CRB1: variants seen among roughly 807,000 people sequenced by gnomAD.
CRB1 encodes the protein protein crumbs homolog 1.
A neutral mutation model predicts 120.0 loss-of-function variants in CRB1; 83 were observed. That is an observed-to-expected ratio of 0.69 (90% CI 0.58 to 0.83). The LOEUF is 0.83. Among genes scored for constraint, CRB1 ranks in the 40% least tolerant of loss-of-function variants. The pLI, the probability that CRB1 is intolerant of heterozygous loss-of-function variation, is 0.00. For synonymous variants in CRB1, 625 were observed against 612.5 expected, an observed-to-expected ratio of 1.02 and a Z score of -0.30; for missense variants, 1,699 against 1,687.6, an observed-to-expected ratio of 1.01 and a Z score of -0.12.
At chr1:197,473,223 C>T (rs2125565970) in intron 11 of CRB1, among the ~76,000 whole-genome samples, 1 of 152,326 alleles carries the variant, frequency 6.6e-6, no homozygotes, top group South Asian at 2.1e-4. Flanking sequence ...AAATCCCTTT[C>T]TGTCTGCTTA....
At chr1:197,448,811 CA>C (rs1308264723) in intron 11 of CRB1, among the ~76,000 whole-genome samples, 8 of 152,178 alleles carry the variant, frequency 5.3e-5, no homozygotes, top group Non-Finnish European at 8.8e-5. Context: ...TATGCATGTA[CA>C]CACAAAAACA....
At chr1:197,267,576 T>C (rs991976334), upstream of CRB1, among the ~76,000 whole-genome samples, 2 of 152,170 alleles carry the variant, frequency 1.3e-5, no homozygotes, top group Admixed American at 1.3e-4. Context: ...AATTAGAAAA[T>C]AAAGCATTCT....
intron 11 of CRB1, 136 bp from the exon 12 acceptor site, chr1:197,477,528 A>G (rs1453160943): frequency 1.3e-6 from 1 of 761,008 alleles, no homozygotes; most frequent in Non-Finnish European, 2.4e-6. Context: ...CTTTCTTTTA[A>G]TACCTTGGTC....
intron 11 of CRB1, among the ~76,000 whole-genome samples, chr1:197,460,401 C>A (rs1161220009): frequency 6.6e-6 from 1 of 151,986 alleles, no homozygotes; most frequent in Non-Finnish European, 1.5e-5. Context: ...GCTAAGGAAG[C>A]CAGAAGATTA....
intron 11 of CRB1, among the ~76,000 whole-genome samples, chr1:197,472,072 TAATTGC>T (rs2125564364): frequency 6.6e-6 from 1 of 152,348 alleles, no homozygotes; most frequent in African/African-American, 2.4e-5. Flanking sequence ...CTAATTCTCT[TAATTGC>T]ACATAATGGT....
At chr1:197,261,517 T>TA in the CRB1 span, among the ~76,000 whole-genome samples, 1 of 152,168 alleles carries the variant, frequency 6.6e-6, no homozygotes. Flanking sequence ...TACTGTTATT[T>TA]AAAAAAAGAA....
intron 5 of CRB1, among the ~76,000 whole-genome samples, chr1:197,403,615 AC>A (rs1256722076): frequency 6.6e-6 from 1 of 151,502 alleles, no homozygotes; most frequent in Non-Finnish European, 1.5e-5. Flanking sequence ...CTTCAAGATA[AC>A]CCTGCTGATG....
intron 11 of CRB1, among the ~76,000 whole-genome samples, chr1:197,473,876 C>A (rs1291013710): frequency 6.6e-6 from 1 of 151,944 alleles, no homozygotes; most frequent in African/African-American, 2.4e-5. Context: ...GCCTTTCAAC[C>A]ATGGGAATTT....
In CRB1 at chr1:197,435,120, C is replaced by T; in HGVS notation, c.3257C>T (p.Ala1086Val). The change falls in exon 9 of 12, where the codon GCT becomes GTT. Residue 1086 changes from alanine to valine, a missense_variant. Coordinates refer to ENST00000367400, the MANE Select transcript of CRB1 (RefSeq NM_201253.3). ...ACAGATATTTATGTGGGAGACAGAG[C>T]TATTGACAATATAAAGGGCCTGCAA... is the stretch of plus-strand genomic sequence containing the variant. ...DNTDIYVGDR[A>V]IDNIKGLQGC... 1 of 1,613,876 alleles carries T rather than the reference C, an allele frequency of 6.2e-7. No homozygotes were observed. The highest frequency in any genetic ancestry group is 8.5e-7 in the Non-Finnish European group (1 of 1,179,880).
chr1:197,419,900 G>A (rs559480416), intron 5 of CRB1, among the ~76,000 whole-genome samples: 5 of 151,386 alleles, frequency 3.3e-5, no homozygotes, highest in South Asian at 2.1e-4. Flanking sequence ...GTGTAAACCC[G>A]GGAGGCAGAG....
chr1:197,416,109 C>T (rs1663987125), intron 5 of CRB1, among the ~76,000 whole-genome samples: 1 of 152,160 alleles, frequency 6.6e-6, no homozygotes, highest in Admixed American at 6.5e-5. Context: ...CTAGTGAAAT[C>T]TCTTCAGTAT....
At chr1:197,381,116 GCAATACCACTCTAGGGCCTT>G (rs962934347) in intron 5 of CRB1, among the ~76,000 whole-genome samples, 6 of 152,082 alleles carry the variant, frequency 3.9e-5, no homozygotes, top group Non-Finnish European at 8.8e-5. Flanking sequence ...GTTCATTTAA[GCAATACCACTCTAGGGCCTT>G]CAATACCACT....
intron 2 of CRB1, among the ~76,000 whole-genome samples, chr1:197,332,119 G>A (rs551031060): frequency 5.9e-5 from 9 of 151,846 alleles, no homozygotes; most frequent in South Asian, 2.1e-4. Context: ...CAGCCTGAGC[G>A]ACAGGGTGAG....
intron 2 of CRB1, among the ~76,000 whole-genome samples, chr1:197,331,054 C>T (rs1281714083): frequency 6.6e-6 from 1 of 151,802 alleles, no homozygotes; most frequent in Admixed American, 6.6e-5. Context: ...TGGTGGCGGG[C>T]GCCTGTAGTC....
At chr1:197,269,116 G>A (rs1654764682) in intron 1 of CRB1, among the ~76,000 whole-genome samples, 2 of 152,194 alleles carry the variant, frequency 1.3e-5, no homozygotes, top group Non-Finnish European at 2.9e-5. Flanking sequence ...ATAGCAGGAT[G>A]GAAAATCAGA....
At chr1:197,392,350 G>A (rs1322883900) in intron 5 of CRB1, among the ~76,000 whole-genome samples, 1 of 152,086 alleles carries the variant, frequency 6.6e-6, no homozygotes, top group Admixed American at 6.6e-5. Context: ...CTCAAAGATT[G>A]TATGGCTGAA....
chr1:197,380,875 G>A (rs1018095998), intron 5 of CRB1, among the ~76,000 whole-genome samples: 4 of 152,182 alleles, frequency 2.6e-5, no homozygotes, highest in African/African-American at 9.7e-5. Context: ...ACAAGGCCCA[G>A]GAGCCAGCGC....
chr1:197,379,250 A>G (rs1406712198), intron 5 of CRB1, among the ~76,000 whole-genome samples: 1 of 152,152 alleles, frequency 6.6e-6, no homozygotes, highest in Non-Finnish European at 1.5e-5. Flanking sequence ...TTTTCTAAAG[A>G]TCAGTGAAAA....
At chr1:197,401,926 CTT>C (rs1222801465) in intron 5 of CRB1, among the ~76,000 whole-genome samples, 4 of 151,518 alleles carry the variant, frequency 2.6e-5, no homozygotes, top group Non-Finnish European at 5.9e-5. Context: ...TTATTTGTAT[CTT>C]TTAAATTTGT....
Sources: gnomAD v4.1 joint callset for allele counts (sites outside exome capture counted in the v4.1 genomes callset) on GRCh38, gnomAD v4.1.1 for gene constraint, MANE v1.5 for transcripts, NCBI Gene and HGNC (gene_info 2026-07-23, HGNC 2026-07-21) for gene names.